Variants in RSRC1 observed in about 807,000 individuals in gnomAD.
RSRC1 encodes the protein arginine and serine rich coiled-coil 1.
A neutral mutation model predicts 49.1 loss-of-function variants in RSRC1; 39 were observed. The ratio of observed to expected loss-of-function variants is 0.79; its 90% confidence interval spans 0.61 to 1.04. The LOEUF is 1.04. Ranked by LOEUF, RSRC1 falls within the 50% of genes least tolerant of loss-of-function variation. The pLI is 0.00. For missense variants in RSRC1, 388 were observed against 402.4 expected (o/e 0.96, Z 0.31); for synonymous variants, 143 against 130.8 (o/e 1.09, Z -0.63).
chr3:158,387,142 C>T (rs1040983768), intron 6 of RSRC1, among the ~76,000 whole-genome samples: 2 of 151,958 alleles, frequency 1.3e-5, no homozygotes, highest in African/African-American at 4.8e-5. Context: ...AAATATCTGC[C>T]TCTATATATG....
At chr3:158,200,942 A>G (rs1346851825) in intron 3 of RSRC1, among the ~76,000 whole-genome samples, 5 of 152,066 alleles carry the variant, frequency 3.3e-5, no homozygotes, top group South Asian at 2.1e-4. Context: ...TTTACTTTCT[A>G]TTAGTCTTCA....
intron 7 of RSRC1, among the ~76,000 whole-genome samples, chr3:158,477,803 T>TAC (rs1180171389): frequency 1.2e-5 from 1 of 80,880 alleles, no homozygotes; most frequent in East Asian, 2.8e-4. Context: ...GGGATTTATA[T>TAC]ATATATATAT....
chr3:158,312,693 T>G (rs1728199577), intron 5 of RSRC1, among the ~76,000 whole-genome samples: 1 of 152,194 alleles, frequency 6.6e-6, no homozygotes, highest in South Asian at 2.1e-4. Context: ...TATCTTATCT[T>G]GAGTGTCAGC....
chr3:158,149,516 GAAC>G (rs1446274971), intron 3 of RSRC1, among the ~76,000 whole-genome samples: 1 of 152,142 alleles, frequency 6.6e-6, no homozygotes, highest in Non-Finnish European at 1.5e-5. Flanking sequence ...TGGTCTAAGT[GAAC>G]AGACTATAAA....
At chr3:158,178,186 G>A (rs767560090) in intron 3 of RSRC1, among the ~76,000 whole-genome samples, 1 of 152,028 alleles carries the variant, frequency 6.6e-6, no homozygotes, top group Non-Finnish European at 1.5e-5. Flanking sequence ...GCTGTGGCAG[G>A]ATATCATGAT....
At chr3:158,189,371 C>G (rs1254199696) in intron 3 of RSRC1, among the ~76,000 whole-genome samples, 1 of 151,918 alleles carries the variant, frequency 6.6e-6, no homozygotes, top group Non-Finnish European at 1.5e-5. Context: ...ATTTACGTTA[C>G]AAATCCACAA....
At chr3:158,278,454 C>T (rs1468931571) in intron 4 of RSRC1, among the ~76,000 whole-genome samples, 1 of 152,132 alleles carries the variant, frequency 6.6e-6, no homozygotes, top group Non-Finnish European at 1.5e-5. Flanking sequence ...TGAAAATATT[C>T]TCATGTTCTA....
intron 5 of RSRC1, among the ~76,000 whole-genome samples, chr3:158,341,328 A>C (rs1466197635): frequency 6.6e-6 from 1 of 152,026 alleles, no homozygotes; most frequent in Non-Finnish European, 1.5e-5. Context: ...AGCAGGAAAA[A>C]GTGGTTTCGT....
intron 4 of RSRC1, among the ~76,000 whole-genome samples, chr3:158,263,171 AT>A (rs1350430797): frequency 6.6e-6 from 1 of 152,090 alleles, no homozygotes; most frequent in Non-Finnish European, 1.5e-5. Flanking sequence ...ATTTTAGTAG[AT>A]TCCTTTTGAC....
intron 3 of RSRC1, among the ~76,000 whole-genome samples, chr3:158,173,131 G>A (rs889303552): frequency 6.6e-6 from 1 of 151,562 alleles, no homozygotes; most frequent in African/African-American, 2.4e-5. Flanking sequence ...ATAAATCATA[G>A]GCTTTATAGA....
At chr3:158,145,059 C>A (rs1341666886) in intron 3 of RSRC1, among the ~76,000 whole-genome samples, 9 of 152,070 alleles carry the variant, frequency 5.9e-5, no homozygotes, top group South Asian at 2.1e-4. Context: ...AGATTGCAAA[C>A]ATTTTCTCCC....
intron 5 of RSRC1, among the ~76,000 whole-genome samples, chr3:158,330,941 C>T (rs953751662): frequency 2.6e-5 from 4 of 151,368 alleles, no homozygotes; most frequent in African/African-American, 9.7e-5. Flanking sequence ...GCTGGGGAGG[C>T]CTCACAATCA....
intron 3 of RSRC1, among the ~76,000 whole-genome samples, chr3:158,156,924 C>T (rs905317137): frequency 6.6e-6 from 1 of 152,164 alleles, no homozygotes; most frequent in Non-Finnish European, 1.5e-5. Flanking sequence ...TAAGTGAGCA[C>T]ATGCTGTTGG....
chr3:158,516,176 C>G lies in RSRC1; in HGVS notation c.653-20916C>G, dbSNP rs555475804. Reference sequence around the variant, plus strand: ...TCCTTTGGAGGAGGAGAGGTGCTCGCTTTTTAGAGTTTCCAGTTTTTCTGC... The same window carrying G: ...TCCTTTGGAGGAGGAGAGGTGCTCGGTTTTTAGAGTTTCCAGTTTTTCTGC... On this transcript the variant is annotated intron_variant, in intron 7 of 9. Coordinates refer to ENST00000611884, the MANE Select transcript of RSRC1 (RefSeq NM_001271838.2). Among the ~76,000 whole-genome samples the G allele has an allele frequency of 2.0e-5, 3 of 152,230 alleles. No individual in the cohort carries two copies. The East Asian group carries it at 5.8e-4, about 29-fold the overall frequency.
chr3:158,171,767 TAGAC>T (rs1718894638), intron 3 of RSRC1, among the ~76,000 whole-genome samples: 1 of 151,882 alleles, frequency 6.6e-6, no homozygotes, highest in Non-Finnish European at 1.5e-5. Flanking sequence ...CTGAACCAAA[TAGAC>T]AGATCCTGTA....
At chr3:158,421,380 A>C (rs1467756233) in intron 6 of RSRC1, among the ~76,000 whole-genome samples, 2 of 151,902 alleles carry the variant, frequency 1.3e-5, no homozygotes, top group African/African-American at 4.8e-5. Flanking sequence ...CCTGCCTAAG[A>C]AGAATAGATT....
At chr3:158,217,880 G>T (rs1722038667) in intron 4 of RSRC1, among the ~76,000 whole-genome samples, 1 of 151,496 alleles carries the variant, frequency 6.6e-6, no homozygotes, top group South Asian at 2.1e-4. Context: ...GGACGGAGAT[G>T]TATTTGACCT....
chr3:158,503,202 A>G (rs965835736), intron 7 of RSRC1, among the ~76,000 whole-genome samples: 1 of 152,070 alleles, frequency 6.6e-6, no homozygotes, highest in Non-Finnish European at 1.5e-5. Flanking sequence ...CCGGGGTGGT[A>G]CTGGGGGCTG....
At chr3:158,473,344 T>A (rs937681668) in intron 7 of RSRC1, among the ~76,000 whole-genome samples, 1 of 152,114 alleles carries the variant, frequency 6.6e-6, no homozygotes, top group African/African-American at 2.4e-5. Flanking sequence ...TAAAAAATGA[T>A]GAGTTCATGT....
Sources: allele counts gnomAD v4.1 joint callset (sites outside exome capture counted in the v4.1 genomes callset), GRCh38; gene constraint gnomAD v4.1.1; transcripts MANE v1.5; gene names NCBI Gene and HGNC (gene_info 2026-07-23, HGNC 2026-07-21).